Variants in DGCR6L observed in about 807,000 individuals in gnomAD.
DGCR6L encodes protein DGCR6L.
Under a neutral mutation model 31.1 loss-of-function variants are expected in DGCR6L, and 24 were observed. The observed-to-expected ratio is 0.77, with a 90% confidence interval of 0.56 to 1.08. The LOEUF (loss-of-function observed/expected upper bound fraction) is 1.08. Ranked by LOEUF, DGCR6L falls within the 50% of genes least tolerant of loss-of-function variation. The pLI is 0.00. For missense variants in DGCR6L, 218 were observed against 287.1 expected (o/e 0.76, Z 1.74); for synonymous variants, 104 against 126.1 (o/e 0.82, Z 1.17).
chr22:20,317,367 A>G (rs1019317868), intron 2 of DGCR6L, among the ~76,000 whole-genome samples: 1 of 152,268 alleles, frequency 6.6e-6, no homozygotes, highest in Non-Finnish European at 1.5e-5. Flanking sequence ...AGATTCCACT[A>G]GATAGACAAC....
chr22:20,319,998 G>A lies in DGCR6L; in HGVS notation c.-10C>T. The A allele has an allele frequency of 6.5e-7, 1 of 1,546,906 alleles. No homozygotes were observed. Among genetic ancestry groups the A allele is most frequent in the Non-Finnish European group, 8.7e-7 (1 of 1,152,912 alleles). ...CCGCGTAGCGCTCCATGGCGCGGACGCCCGCTAGCCGCCGGCGGCGGCGAC... is the reference window on the plus strand; with the variant it reads ...CCGCGTAGCGCTCCATGGCGCGGACACCCGCTAGCCGCCGGCGGCGGCGAC... On this transcript the variant is annotated 5_prime_UTR_variant, in exon 1 of 5. Coordinates refer to ENST00000248879, the MANE Select transcript of DGCR6L (RefSeq NM_033257.4).
intron 2 of DGCR6L, chr22:20,318,472 C>A (rs1315029268): frequency 6.6e-6 from 1 of 151,594 alleles, no homozygotes; most frequent in Non-Finnish European, 1.5e-5. Context: ...ACAAAAAAGT[C>A]AATGCCACAA....
rs532969961 is a variant in DGCR6L at position 20,314,303 on chromosome 22, T to C, written c.*372A>G. On this transcript the variant is annotated 3_prime_UTR_variant, in exon 5 of 5. Transcript: ENST00000248879. ...TGGGCCACACTGAGGCATCTTTATTTCTCTGGGTCACACAGAGCTTGGGCC... is the reference window on the plus strand; with the variant it reads ...TGGGCCACACTGAGGCATCTTTATTCCTCTGGGTCACACAGAGCTTGGGCC... 6 of 201,956 alleles carry C rather than the reference T, an allele frequency of 3.0e-5. No homozygotes were observed. In the East Asian group the frequency reaches 6.0e-4, roughly 20 times the overall value. The allele number at this position is 201,956 out of a possible 1,614,324, so 12.5% of individuals were successfully genotyped here. A position where few individuals can be genotyped will look rare whatever the true frequency, so the allele number is the denominator to read the frequency against.
Position 20,319,639 on chromosome 22 carries a change from C to T in DGCR6L, c.271G>A (p.Val91Met), listed in dbSNP as rs757767661. The T allele has an allele frequency of 6.2e-7, 1 of 1,611,182 alleles. No homozygotes were observed. Among genetic ancestry groups the T allele is most frequent in the Admixed American group, 1.7e-5 (1 of 59,916 alleles). ...QRLRLQNEHR[V>M]LRQALRQKHQ... ...ACCTCATCCCGCTGCCCCCGCGCAC[C>T]TCGGTGCTCGTTCTGTAGGCGCAGG... The change falls in exon 2 of 5, where the codon GTG (valine) becomes ATG (methionine). Residue 91 changes from valine (V) to methionine (M), a missense_variant and splice_region_variant. Physicochemically the swap from Val to Met is conservative, Grantham distance 21. Transcript: ENST00000248879.
chr22:20,314,663 T>G lies in DGCR6L; in HGVS notation c.*12A>C. The G allele has an allele frequency of 1.9e-5, 30 of 1,582,988 alleles. No individual in the cohort carries two copies. The highest frequency in any genetic ancestry group is 2.6e-5 in the Non-Finnish European group (30 of 1,161,534). On this transcript the variant is annotated 3_prime_UTR_variant, in exon 5 of 5. Transcript: ENST00000248879. ...AGAAGATGAACTCTGCCCAGACTTC[T>G]GCTGCCTGTGGCTATGGTGGGACAG...
At position 20,316,171 on chromosome 22, in the gene DGCR6L, C is replaced by T. The variant is rs112491377; in HGVS notation, c.320G>A (p.Cys107Tyr). ...AACCACAGGCAGGTTGTGGGGCCGG[C>T]AGGCCTGCTGGGCTTCCTGGTGCTT... is the stretch of plus-strand genomic sequence containing the variant. Reference protein sequence around the residue: ...RQKHQEAQQACRPHNLPVVQA... With the variant: ...RQKHQEAQQAYRPHNLPVVQA... The change falls in exon 3 of 5, where the codon TGC becomes TAC. Residue 107 changes from cysteine to tyrosine, a missense_variant. Cys to Tyr is a radical substitution (Grantham distance 194). This residue lies in a region of DGCR6L where 78 missense variants were observed against 90.0 expected (regional missense o/e 0.87). Coordinates refer to ENST00000248879, the MANE Select transcript of DGCR6L (RefSeq NM_033257.4). The T allele has an allele frequency of 1.2e-6, 2 of 1,610,258 alleles. No homozygotes were observed. The highest frequency in any genetic ancestry group is 2.2e-5 in the East Asian group (1 of 44,820).
intron 3 of DGCR6L, 85 bp from the exon 4 acceptor site, chr22:20,315,561 A>C: frequency 6.5e-7 from 1 of 1,538,040 alleles, no homozygotes; most frequent in Admixed American, 1.8e-5. Context: ...GCTCAAACAC[A>C]TGCTCCTGCT....
In DGCR6L at chr22:20,320,022, A is replaced by G. The variant is rs1233946725; in HGVS notation, c.-34T>C. ...CGCCCGCTAGCCGCCGGCGGCGGCG[A>G]CGAGCTCCCCCAGCTTCACGACATC... On this transcript the variant is annotated 5_prime_UTR_variant, in exon 1 of 5. Transcript: ENST00000248879. 2.0e-6 allele frequency: 3 copies of G among 1,514,600 alleles called. No individual in the cohort carries two copies. The highest frequency in any genetic ancestry group is 2.5e-5 in the South Asian group (2 of 78,930). 93.8% of individuals were successfully genotyped at this position (1,514,600 alleles called of 1,614,324 possible).
chr22:20,315,141 G>C, intron 4 of DGCR6L, 195 bp downstream of exon 4: 1 of 1,383,342 alleles, frequency 7.2e-7, no homozygotes, highest in Non-Finnish European at 9.9e-7. Context: ...GCCCATGGCT[G>C]GCTGGCTCAC....
At chr22:20,317,183 C>T (rs764993309) in intron 2 of DGCR6L, among the ~76,000 whole-genome samples, 24 of 152,222 alleles carry the variant, frequency 1.6e-4, no homozygotes, top group Non-Finnish European at 2.5e-4. Context: ...GCCTGGCTCC[C>T]GCTGTGCCTA....
intron 4 of DGCR6L, chr22:20,315,126 G>T: frequency 7.8e-7 from 1 of 1,289,126 alleles, no homozygotes; most frequent in Non-Finnish European, 1.1e-6. Flanking sequence ...GAGAGGGTGG[G>T]CAGTGCCCAT....
At chr22:20,317,201 C>T (rs1323421700) in intron 2 of DGCR6L, among the ~76,000 whole-genome samples, 1 of 152,206 alleles carries the variant, frequency 6.6e-6, no homozygotes, top group Non-Finnish European at 1.5e-5. Flanking sequence ...CTACAGCCTT[C>T]CCCGATCTCC....
intron 1 of DGCR6L, 36 bp downstream of exon 1, chr22:20,319,843 C>G (rs777976763): frequency 6.3e-7 from 1 of 1,595,040 alleles, no homozygotes; most frequent in South Asian, 1.1e-5. Context: ...GAAACGAAGC[C>G]GCCTCCGCAG....
At chr22:20,318,537 C>G (rs2051585657) in intron 2 of DGCR6L, 1 of 152,232 alleles carries the variant, frequency 6.6e-6, no homozygotes, top group Non-Finnish European at 1.5e-5. Context: ...AATTGTAGTA[C>G]ATGAACTTGG....
At position 20,319,812 on chromosome 22, in the gene DGCR6L, G is replaced by A. The variant is rs761152288; in HGVS notation, c.111-13C>T. On this transcript the variant is annotated splice_polypyrimidine_tract_variant and intron_variant, in intron 1 of 4. Coordinates refer to ENST00000248879, the MANE Select transcript of DGCR6L (RefSeq NM_033257.4). Reference sequence around the variant, plus strand: ...CTGCTGGAAAGAGCTGCGGGTAGGGGGGCGCGGTGAGCCCCGGCGGGAAAC... The same window carrying A: ...CTGCTGGAAAGAGCTGCGGGTAGGGAGGCGCGGTGAGCCCCGGCGGGAAAC... 13 of 1,605,694 alleles carry A rather than the reference G, an allele frequency of 8.1e-6. No individual in the cohort carries two copies. The highest frequency in any genetic ancestry group is 1.0e-5 in the Non-Finnish European group (12 of 1,176,514).
In DGCR6L at chr22:20,315,065, T is replaced by C. The variant is rs1410370498; in HGVS notation, c.514-241A>G. ...CTGCCCCCAGCAGGGCCACTCGGAA[T>C]GGCATGCGGGAGGGGAGCAGAAGAG... On this transcript the variant is annotated intron_variant, in intron 4 of 4. Coordinates refer to ENST00000248879, the MANE Select transcript of DGCR6L (RefSeq NM_033257.4). The C allele has an allele frequency of 2.5e-6, 3 of 1,198,962 alleles. No individual in the cohort carries two copies. In the Admixed American group the frequency reaches 5.9e-5, roughly 24 times the overall value. 74.3% of individuals were successfully genotyped at this position (1,198,962 alleles called of 1,614,324 possible).
At chr22:20,316,365 C>T (rs1322512538) in intron 2 of DGCR6L, 146 bp from the exon 3 acceptor site, 3 of 1,102,304 alleles carry the variant, frequency 2.7e-6, no homozygotes, top group Non-Finnish European at 4.0e-6. Flanking sequence ...ATCCTCCCAC[C>T]CCACTGTCAC....
At chr22:20,315,072 C>A (rs1399074010) in intron 4 of DGCR6L, 4 of 1,194,102 alleles carry the variant, frequency 3.3e-6, no homozygotes, top group Non-Finnish European at 4.8e-6. Flanking sequence ...GAATGGCATG[C>A]GGGAGGGGAG....
intron 4 of DGCR6L, 114 bp from the exon 5 acceptor site, chr22:20,314,938 C>T (rs1255524619): frequency 1.9e-6 from 3 of 1,560,144 alleles, no homozygotes; most frequent in East Asian, 2.4e-5. Flanking sequence ...GAAGCCTGGT[C>T]ATGGCCTGCC....
Sources: gnomAD v4.1 joint callset for allele counts (sites outside exome capture counted in the v4.1 genomes callset) on GRCh38, gnomAD v4.1.1 for gene constraint, gnomAD v4.1.1 regional missense constraint, MANE v1.5 for transcripts, NCBI Gene and HGNC (gene_info 2026-07-23, HGNC 2026-07-21) for gene names.